Variants in ESRRB observed in about 807,000 individuals in gnomAD.
The protein encoded by ESRRB is estrogen related receptor beta.
Under a neutral mutation model 46.0 loss-of-function variants are expected in ESRRB, and 16 were observed. That is an observed-to-expected ratio of 0.35 (90% CI 0.24 to 0.53). The LOEUF (loss-of-function observed/expected upper bound fraction) is 0.53, where lower values mean the gene tolerates loss of function less well. Among genes scored for constraint, ESRRB ranks in the 20% least tolerant of loss-of-function variants. The pLI, the probability that ESRRB is intolerant of heterozygous loss-of-function variation, is 0.93. For missense variants in ESRRB, 488 were observed against 607.4 expected (o/e 0.80, Z 2.07); for synonymous variants, 246 against 259.6 (o/e 0.95, Z 0.50).
rs763083614 is a variant in ESRRB, at chr14:76,491,485, C to T, written c.889C>T (p.Leu297=). The T allele has an allele frequency of 6.2e-7, 1 of 1,606,340 alleles. No individual in the cohort carries two copies. Among genetic ancestry groups the T allele is most frequent in the Non-Finnish European group, 8.5e-7 (1 of 1,176,902 alleles). Residue 297 remains leucine (L), a synonymous_variant, in exon 6 of 7, where the codon CTG becomes TTG. Transcript: ENST00000644823. ...CTCCCTGGGGGACCAGATGAGCCTG[C>T]TGCAGAGTGCCTGGATGGAAATCCT... The part of the protein sequence containing the change: ...SLSLGDQMSL[L]QSAWMEILIL...
chr14:76,412,207 G>A (rs972100693), intron 1 of ESRRB, among the ~76,000 whole-genome samples: 3 of 152,206 alleles, frequency 2.0e-5, no homozygotes, highest in Admixed American at 6.5e-5. Context: ...AAATCAGGAA[G>A]ACTGAGAACA....
At chr14:76,324,402 G>A (rs1051642848) in intron 1 of ESRRB, among the ~76,000 whole-genome samples, 1 of 152,156 alleles carries the variant, frequency 6.6e-6, no homozygotes, top group African/African-American at 2.4e-5. Context: ...GTTAGCAGCT[G>A]GGGATGGGAG....
At chr14:76,387,350 C>T (rs1885277196) in intron 1 of ESRRB, among the ~76,000 whole-genome samples, 1 of 152,190 alleles carries the variant, frequency 6.6e-6, no homozygotes. Context: ...TCTAGAGCCC[C>T]CTACAGGCAC....
At chr14:76,398,118 C>T (rs1885775064) in intron 1 of ESRRB, among the ~76,000 whole-genome samples, 1 of 152,190 alleles carries the variant, frequency 6.6e-6, no homozygotes, top group Non-Finnish European at 1.5e-5. Flanking sequence ...GTTCAATAGC[C>T]CTGCTAGCTG....
intron 1 of ESRRB, among the ~76,000 whole-genome samples, chr14:76,414,879 C>T (rs1207425064): frequency 1.3e-5 from 2 of 152,074 alleles, no homozygotes; most frequent in Non-Finnish European, 2.9e-5. Context: ...GGCCTAGTGA[C>T]CTGAGGCAAG....
intron 1 of ESRRB, among the ~76,000 whole-genome samples, chr14:76,360,918 G>C (rs1884454961): frequency 6.6e-6 from 1 of 152,210 alleles, no homozygotes; most frequent in Non-Finnish European, 1.5e-5. Context: ...ACAGAGAGGA[G>C]GGATTATTCT....
intron 6 of ESRRB, among the ~76,000 whole-genome samples, chr14:76,497,842 G>A (rs548792530): frequency 2.0e-5 from 3 of 152,246 alleles, no homozygotes; most frequent in Admixed American, 1.3e-4. Flanking sequence ...AGCCCTTGAG[G>A]TAGGCATGGC....
upstream of ESRRB, among the ~76,000 whole-genome samples, chr14:76,368,771 T>C (rs1884556724): frequency 6.6e-6 from 1 of 152,218 alleles, no homozygotes; most frequent in Admixed American, 6.5e-5. Flanking sequence ...TCATGTAGAA[T>C]TGTACTGACC....
intron 1 of ESRRB, chr14:76,407,511 C>T (rs1182362140): frequency 1.0e-6 from 1 of 984,498 alleles, no homozygotes; most frequent in Non-Finnish European, 1.2e-6. Context: ...TAAGTGCGAT[C>T]TTACTCTAGC....
At chr14:76,377,147 C>A (rs1412416387) in intron 1 of ESRRB, among the ~76,000 whole-genome samples, 1 of 152,194 alleles carries the variant, frequency 6.6e-6, no homozygotes, top group African/African-American at 2.4e-5. Context: ...GGCGGCTTTG[C>A]GCTCGCGGTG....
chr14:76,388,952 G>T (rs1193566514), intron 1 of ESRRB, among the ~76,000 whole-genome samples: 1 of 152,070 alleles, frequency 6.6e-6, no homozygotes, highest in Non-Finnish European at 1.5e-5. Context: ...ATTCCCGCAG[G>T]CACCACACAG....
upstream of ESRRB, among the ~76,000 whole-genome samples, chr14:76,368,945 C>T (rs1349657930): frequency 6.6e-6 from 1 of 151,966 alleles, no homozygotes; most frequent in South Asian, 2.1e-4. Context: ...GCCTGTAATC[C>T]CAGCACTCTG....
At chr14:76,370,235 A>C (rs1835762022), upstream of ESRRB, among the ~76,000 whole-genome samples, 1 of 151,648 alleles carries the variant, frequency 6.6e-6, no homozygotes, top group Non-Finnish European at 1.5e-5. Flanking sequence ...TAAAAAAAAA[A>C]AAAAACACAA....
At chr14:76,358,962 T>C (rs1210290368) in intron 1 of ESRRB, among the ~76,000 whole-genome samples, 3 of 152,208 alleles carry the variant, frequency 2.0e-5, no homozygotes, top group Non-Finnish European at 4.4e-5. Flanking sequence ...GACCCGAGAA[T>C]ATGCATTTCT....
intron 2 of ESRRB, among the ~76,000 whole-genome samples, chr14:76,444,215 T>G (rs1288577560): frequency 1.3e-5 from 2 of 152,128 alleles, no homozygotes. Flanking sequence ...GTATTTTTAG[T>G]AGAGACGGGG....
intron 5 of ESRRB, among the ~76,000 whole-genome samples, chr14:76,490,799 G>A (rs1162264225): frequency 2.6e-5 from 4 of 152,238 alleles, no homozygotes; most frequent in Non-Finnish European, 5.9e-5. Context: ...TATGGCCCGG[G>A]AAGAGGGGCT....
intron 2 of ESRRB, among the ~76,000 whole-genome samples, chr14:76,456,690 G>A (rs914351254): frequency 1.3e-5 from 2 of 152,166 alleles, no homozygotes; most frequent in Non-Finnish European, 2.9e-5. Context: ...TGAGGGCCCA[G>A]GGGACCTCCA....
chr14:76,335,988 C>G (rs556205980), intron 1 of ESRRB, among the ~76,000 whole-genome samples: 2 of 152,318 alleles, frequency 1.3e-5, no homozygotes, highest in Non-Finnish European at 2.9e-5. Flanking sequence ...GATGTGAAGT[C>G]ATTTATCCAA....
chr14:76,366,619 C>T (rs754874616), upstream of ESRRB, among the ~76,000 whole-genome samples: 13 of 152,064 alleles, frequency 8.5e-5, no homozygotes, highest in Non-Finnish European at 4.4e-5. Context: ...GGGAGATGGT[C>T]GCCCCGGGAA....
Sources: gnomAD v4.1 joint callset for allele counts (sites outside exome capture counted in the v4.1 genomes callset) on GRCh38, gnomAD v4.1.1 for gene constraint, MANE v1.5 for transcripts, NCBI Gene and HGNC (gene_info 2026-07-23, HGNC 2026-07-21) for gene names.